Variants in CASZ1 observed in about 807,000 individuals in gnomAD.
CASZ1 encodes the protein zinc finger protein castor homolog 1.
In CASZ1, 28 loss-of-function variants were observed where a neutral mutation model predicts 135.2. The ratio of observed to expected loss-of-function variants is 0.21; its 90% CI spans 0.15 to 0.28. CASZ1 has a LOEUF of 0.28. Ranked by LOEUF, CASZ1 falls within the 10% of genes least tolerant of loss-of-function variation. The pLI is 1.00. For missense variants in CASZ1, 2,161 were observed against 2,453.3 expected (o/e 0.88, Z 2.52); for synonymous variants, 1,068 against 1,073.4 (o/e 0.99, Z 0.10).
At chr1:10,643,454 T>A in intron 18 of CASZ1, 143 bp from the exon 19 acceptor site, 2 of 912,640 alleles carry the variant, frequency 2.2e-6, no homozygotes, top group South Asian at 1.7e-5. Context: ...TGAGCCGAGG[T>A]GGCAGTCTTA....
chr1:10,791,713 G>A (rs560252144), intron 1 of CASZ1, among the ~76,000 whole-genome samples: 1 of 148,654 alleles, frequency 6.7e-6, no homozygotes, highest in South Asian at 2.2e-4. Context: ...TTATGTCACT[G>A]GGCTAAAAAA....
At chr1:10,716,441 G>C (rs1420889638) in intron 2 of CASZ1, among the ~76,000 whole-genome samples, 1 of 152,238 alleles carries the variant, frequency 6.6e-6, no homozygotes, top group African/African-American at 2.4e-5. Flanking sequence ...CTTAAATCTG[G>C]CTTGCTCACA....
rs1286461600 is a variant in CASZ1, at chr1:10,697,563, G to A, written c.-23-3651C>T. Among the ~76,000 whole-genome samples, 2 of 151,894 alleles carry A rather than the reference G, an allele frequency of 1.3e-5. No individual in the cohort carries two copies. The highest frequency in any genetic ancestry group is 4.8e-5 in the African/African-American group (2 of 41,298). ...CCAAGGAAAGCCATCTGCCCTTCCTGTCACACTGCTATCGCTGGTTCCTGT... is the reference window on the plus strand; with the variant it reads ...CCAAGGAAAGCCATCTGCCCTTCCTATCACACTGCTATCGCTGGTTCCTGT... On this transcript the variant is annotated intron_variant, in intron 3 of 20. Transcript: ENST00000377022. The surrounding 1 kb of genome is among the most constrained non-coding windows in gnomAD (Gnocchi z 4.7).
At chr1:10,695,425 C>A (rs1293111161) in intron 3 of CASZ1, among the ~76,000 whole-genome samples, 1 of 152,116 alleles carries the variant, frequency 6.6e-6, no homozygotes, top group Non-Finnish European at 1.5e-5. Flanking sequence ...GCCCCACTTT[C>A]CCCACAGCCC....
At chr1:10,723,122 G>C (rs1444432040) in intron 2 of CASZ1, among the ~76,000 whole-genome samples, 1 of 152,260 alleles carries the variant, frequency 6.6e-6, no homozygotes. Context: ...GCAGCAGGCT[G>C]GCTGGTCACT....
chr1:10,655,501 C>T, intron 9 of CASZ1, 148 bp downstream of exon 9: 1 of 790,614 alleles, frequency 1.3e-6, no homozygotes, highest in Non-Finnish European at 2.0e-6. Flanking sequence ...GCTGGCCATC[C>T]CTGTGCTGGG....
At position 10,720,588 on chromosome 1, in the gene CASZ1, G is replaced by T. The variant is rs187184649; in HGVS notation, c.-76-15044C>A. On this transcript the variant is annotated intron_variant, in intron 2 of 20. Coordinates refer to ENST00000377022, the MANE Select transcript of CASZ1 (RefSeq NM_001079843.3). This position sits in a 1 kb window ranked among gnomAD's most constrained non-coding sequence, Gnocchi z 5.7. ...TTTGCCTATCAAAAACTGTACATTCGCTCGGCTTTCCACGGGACTCATGTC... is the reference window on the plus strand; with the variant it reads ...TTTGCCTATCAAAAACTGTACATTCTCTCGGCTTTCCACGGGACTCATGTC... Among the ~76,000 whole-genome samples the T allele has an allele frequency of 6.6e-6, 1 of 152,178 alleles. No homozygotes were observed. Among genetic ancestry groups the T allele is most frequent in the East Asian group, 1.9e-4 (1 of 5,186 alleles).
intron 3 of CASZ1, among the ~76,000 whole-genome samples, chr1:10,698,007 G>A (rs1256057474): frequency 1.3e-5 from 2 of 152,228 alleles, no homozygotes; most frequent in Admixed American, 1.3e-4. Flanking sequence ...GCATGGCCAC[G>A]GGCACGGGAG....
chr1:10,728,760 G>A (rs1200795582), intron 2 of CASZ1, among the ~76,000 whole-genome samples: 2 of 152,066 alleles, frequency 1.3e-5, no homozygotes, highest in Admixed American at 1.3e-4. Context: ...TCACATGAGA[G>A]GGGGGACAGC....
intron 2 of CASZ1, among the ~76,000 whole-genome samples, chr1:10,744,238 A>C (rs1421413469): frequency 2.0e-5 from 3 of 151,934 alleles, no homozygotes; most frequent in Non-Finnish European, 4.4e-5. Flanking sequence ...AGTTTCTAGG[A>C]AGCAGGTGGC....
intron 1 of CASZ1, among the ~76,000 whole-genome samples, chr1:10,782,599 T>C (rs1247670081): frequency 6.6e-6 from 1 of 152,054 alleles, no homozygotes; most frequent in Non-Finnish European, 1.5e-5. Flanking sequence ...GCCGGGTGGG[T>C]CACCCGGGAC....
In CASZ1 at chr1:10,788,805, C is replaced by T. The variant is rs1570594655; in HGVS notation, c.-234+7759G>A. On this transcript the variant is annotated intron_variant, in intron 1 of 20. Transcript: ENST00000377022. This position sits in a 1 kb window ranked among gnomAD's most constrained non-coding sequence, Gnocchi z 4.1. ...TGCCATGCCCTGGGCCAGCGCCCTC[C>T]CTCCTGTGTGCCAGGGCTTCCTGCC... is the stretch of plus-strand genomic sequence containing the variant. 6.6e-6 allele frequency among the ~76,000 whole-genome samples: 1 copy of T among 152,210 alleles called. No individual in the cohort carries two copies. The highest frequency in any genetic ancestry group is 1.5e-5 in the Non-Finnish European group (1 of 68,032).
In CASZ1 at chr1:10,646,140, G is replaced by C. The variant is rs1171831323; in HGVS notation, c.3684C>G (p.Leu1228=). 3 of 1,614,000 alleles carry C rather than the reference G, an allele frequency of 1.9e-6. 1 individual carries two copies. The South Asian group carries it at 3.3e-5, about 18-fold the overall frequency. Residue 1228 remains leucine, a synonymous_variant, in exon 17 of 21, where the codon CTC becomes CTG. Transcript: ENST00000377022. This position sits in a 1 kb window ranked among gnomAD's most constrained non-coding sequence, Gnocchi z 6.4. ...DQFAYYSLQC[L]CPNQHCEFRM... is the part of the protein sequence containing the mutation. ...CCGCCATGCTGACCTGGTTGGGACA[G>C]AGACACTGCAGAGAGTAGTATGCAA...
rs2100475151 is a variant in CASZ1 at position 10,717,314 on chromosome 1, T to C, written c.-76-11770A>G. ...AGTTCCCCAAACTTCCCACTTGGCT[T>C]CTCTGCCTTTCTGTCCGATGCATCT... On this transcript the variant is annotated intron_variant, in intron 2 of 20. Transcript: ENST00000377022. This position sits in a 1 kb window ranked among gnomAD's most constrained non-coding sequence, Gnocchi z 4.6. Among the ~76,000 whole-genome samples, 1 of 152,312 alleles carries C rather than the reference T, an allele frequency of 6.6e-6. No homozygotes were observed. Among genetic ancestry groups the C allele is most frequent in the East Asian group, 1.9e-4 (1 of 5,196 alleles).
rs563605686 is a variant in CASZ1 at position 10,782,148 on chromosome 1, G to T, written c.-234+14416C>A. On this transcript the variant is annotated intron_variant, in intron 1 of 20. Coordinates refer to ENST00000377022, the MANE Select transcript of CASZ1 (RefSeq NM_001079843.3). ...GACAGGTTGGTCAGGCTAAAGAGTT[G>T]CTATGTCACAAATGAGGAGCACGAC... Among the ~76,000 whole-genome samples the T allele has an allele frequency of 8.5e-5, 13 of 152,366 alleles. No individual in the cohort carries two copies. In the East Asian group the frequency reaches 1.9e-3, roughly 23 times the overall value.
chr1:10,765,320 C>T (rs1291275506), intron 1 of CASZ1, among the ~76,000 whole-genome samples: 1 of 151,408 alleles, frequency 6.6e-6, no homozygotes, highest in African/African-American at 2.4e-5. Flanking sequence ...GAGCAGATTT[C>T]ATAAACCACC....
chr1:10,637,017 C>T lies in CASZ1; in HGVS notation c.*1925G>A, dbSNP rs186499528. The T allele has an allele frequency of 6.6e-4, 100 of 152,446 alleles. No homozygotes were observed. Among genetic ancestry groups the T allele is most frequent in the African/African-American group, 2.2e-3 (91 of 41,518 alleles). 9.4% of individuals were successfully genotyped at this position (152,446 alleles called of 1,614,324 possible). ...GAAAGAAAATAAAACAAAAATTACA[C>T]GTTAAAATTCAAAATGAGCTAGCAA... On this transcript the variant is annotated 3_prime_UTR_variant, in exon 21 of 21. Coordinates refer to ENST00000377022, the MANE Select transcript of CASZ1 (RefSeq NM_001079843.3).
At position 10,757,943 on chromosome 1, in the gene CASZ1, C is replaced by G. The variant is rs994106481; in HGVS notation, c.-77+2758G>C. On this transcript the variant is annotated intron_variant, in intron 2 of 20. Transcript: ENST00000377022. This position sits in a 1 kb window ranked among gnomAD's most constrained non-coding sequence, Gnocchi z 4.6. ...CACCCACCTCATCCACGTCCCCATC[C>G]ACGTCCTGGCCACTCTGCCTTTCTT... Among the ~76,000 whole-genome samples the G allele has an allele frequency of 1.3e-5, 2 of 152,220 alleles. No individual in the cohort carries two copies. Among genetic ancestry groups the G allele is most frequent in the African/African-American group, 4.8e-5 (2 of 41,440 alleles).
In CASZ1 at chr1:10,735,427, G is replaced by A. The variant is rs1035360349; in HGVS notation, c.-77+25274C>T. ...CTCTGGGAGGGGACGGGGGACTGGC[G>A]GAGTCAGGCGCCAGGGCTGCCTCCC... On this transcript the variant is annotated intron_variant, in intron 2 of 20. Transcript: ENST00000377022. This position sits in a 1 kb window ranked among gnomAD's most constrained non-coding sequence, Gnocchi z 5.1. Among the ~76,000 whole-genome samples, 4 of 152,134 alleles carry A rather than the reference G, an allele frequency of 2.6e-5. No homozygotes were observed. Among genetic ancestry groups the A allele is most frequent in the Non-Finnish European group, 5.9e-5 (4 of 68,034 alleles).
Sources: allele counts gnomAD v4.1 joint callset (sites outside exome capture counted in the v4.1 genomes callset), GRCh38; gene constraint gnomAD v4.1.1; non-coding constraint Gnocchi (gnomAD v3.1); transcripts MANE v1.5; gene names NCBI Gene and HGNC (gene_info 2026-07-23, HGNC 2026-07-21).